The following MCPH1 variants were observed in gnomAD, a reference collection of about 807,000 sequenced individuals.
MCPH1 encodes the protein microcephalin 1.
In MCPH1, 104 loss-of-function variants were observed where a neutral mutation model predicts 84.5. The observed-to-expected ratio is 1.23, with a 90% CI of 1.05 to 1.45. MCPH1 has a LOEUF of 1.45. Ranked by LOEUF, MCPH1 falls within the 40% of genes most tolerant of loss-of-function variation. The pLI, the probability that MCPH1 is intolerant of heterozygous loss-of-function variation, is 0.00. For synonymous variants in MCPH1, 514 were observed against 366.8 expected (o/e 1.40, Z -4.58); for missense variants, 1,498 against 1,005.7 (o/e 1.49, Z -6.62).
intron 12 of MCPH1, among the ~76,000 whole-genome samples, chr8:6,510,798 G>A (rs1407880545): frequency 1.3e-5 from 2 of 152,200 alleles, no homozygotes; most frequent in African/African-American, 2.4e-5. Flanking sequence ...AGTTCTGTAA[G>A]TGTTGCTCCT....
chr8:6,529,623 ATT>A (rs35322987), intron 12 of MCPH1, among the ~76,000 whole-genome samples: 17 of 120,948 alleles, frequency 1.4e-4, no homozygotes, highest in Admixed American at 8.8e-5. Flanking sequence ...CGCCTGGCTA[ATT>A]TTTTTTTTTT....
At chr8:6,572,868 CA>C (rs1826776710) in intron 12 of MCPH1, among the ~76,000 whole-genome samples, 1 of 152,236 alleles carries the variant, frequency 6.6e-6, no homozygotes, top group Non-Finnish European at 1.5e-5. Context: ...GGAAGCCTCC[CA>C]AACCACGTAA....
intron 12 of MCPH1, among the ~76,000 whole-genome samples, chr8:6,532,840 C>T (rs192755114): frequency 5.1e-3 from 781 of 152,292 alleles, no homozygotes; most frequent in Non-Finnish European, 7.1e-3. Flanking sequence ...TGTGTCTGTC[C>T]TACCCAGCTG....
intron 5 of MCPH1, among the ~76,000 whole-genome samples, chr8:6,437,654 G>A (rs1187893720): frequency 2.0e-5 from 3 of 152,092 alleles, no homozygotes; most frequent in Middle Eastern, 3.2e-3. Context: ...CAGCCCTCCC[G>A]CTGCCTCACC....
intron 6 of MCPH1, among the ~76,000 whole-genome samples, chr8:6,440,745 A>T (rs1320032428): frequency 6.6e-6 from 1 of 152,196 alleles, no homozygotes; most frequent in Non-Finnish European, 1.5e-5. Context: ...GACTTACCGA[A>T]TGCAGCTTTT....
intron 12 of MCPH1, among the ~76,000 whole-genome samples, chr8:6,594,180 C>T (rs1004071233): frequency 6.6e-6 from 1 of 152,226 alleles, no homozygotes; most frequent in African/African-American, 2.4e-5. Flanking sequence ...AGCCCCCGCT[C>T]CCCGTGTGCC....
At position 6,462,372 on chromosome 8, in the gene MCPH1, GC is replaced by G. The variant is rs1413836602; in HGVS notation, c.1935+7121del. On this transcript the variant is annotated intron_variant, in intron 9 of 13. Coordinates refer to ENST00000344683, the MANE Select transcript of MCPH1 (RefSeq NM_024596.5). ...ATATAGCATCACAAACAAAATAAGT[GC>G]TCAGTAAATATTTTCTGAGTAAATA... Among the ~76,000 whole-genome samples, 6 of 152,272 alleles carry G rather than the reference GC, an allele frequency of 3.9e-5. No individual in the cohort carries two copies. The East Asian group carries it at 1.2e-3, about 29-fold the overall frequency.
Position 6,579,296 on chromosome 8 carries a change from G to T in MCPH1, c.2215-42158G>T, listed in dbSNP as rs28454012. The stretch of plus-strand genomic sequence containing the variant: ...ATGCGTGAGTTCGCCCCCTTTCCCG[G>T]TCCCCTTCTCCTCCATTTGACTAAT... On this transcript the variant is annotated intron_variant, in intron 12 of 13. Transcript: ENST00000344683. Among the ~76,000 whole-genome samples the T allele has an allele frequency of 6.2e-3, 947 of 152,210 alleles. 5 individuals carry two copies. The highest frequency in any genetic ancestry group is 0.022 in the African/African-American group (905 of 41,526).
At chr8:6,445,645 C>A (rs1804242708) in intron 8 of MCPH1, 98 bp downstream of exon 8, 1 of 1,478,820 alleles carries the variant, frequency 6.8e-7, no homozygotes, top group Non-Finnish European at 8.9e-7. Context: ...AACTTATTTC[C>A]CCATTTACTC....
At chr8:6,549,420 C>G (rs1214841472) in intron 12 of MCPH1, among the ~76,000 whole-genome samples, 1 of 152,180 alleles carries the variant, frequency 6.6e-6, no homozygotes, top group Non-Finnish European at 1.5e-5. Context: ...GGTGACAGAG[C>G]AGAGTCAGGA....
At chr8:6,626,380 T>C in intron 13 of MCPH1, 1 of 985,334 alleles carries the variant, frequency 1.0e-6, no homozygotes, top group Non-Finnish European at 1.2e-6. Context: ...CTGGAGTCTT[T>C]TTTCCCTGAA....
At chr8:6,446,727 G>A (rs2129555938) in intron 8 of MCPH1, 1 of 985,302 alleles carries the variant, frequency 1.0e-6, no homozygotes, top group South Asian at 4.7e-5. Context: ...TTCACCTTGT[G>A]TATTTTTTAA....
chr8:6,560,858 A>T (rs1043265839), intron 12 of MCPH1, among the ~76,000 whole-genome samples: 2 of 152,234 alleles, frequency 1.3e-5, no homozygotes, highest in African/African-American at 2.4e-5. Context: ...AATGTAAGTT[A>T]ATTAAGCAAA....
chr8:6,513,593 A>G (rs13278243), intron 12 of MCPH1: 384,240 of 1,149,444 alleles, frequency 0.33, 65,578 homozygotes, highest in Middle Eastern at 0.44. Context: ...TCGGCCTCCC[A>G]AAGTGCTGGG....
intron 3 of MCPH1, among the ~76,000 whole-genome samples, chr8:6,422,440 C>A (rs1003882964): frequency 7.9e-5 from 12 of 152,082 alleles, no homozygotes; most frequent in African/African-American, 2.9e-4. Flanking sequence ...GATGCATGGA[C>A]AAAATTAAAA....
intron 3 of MCPH1, among the ~76,000 whole-genome samples, chr8:6,423,608 C>A (rs1248389373): frequency 1.3e-5 from 2 of 152,080 alleles, no homozygotes; most frequent in Non-Finnish European, 2.9e-5. Context: ...TGAAGTTTTT[C>A]ATTTCTTAGT....
chr8:6,523,981 G>A (rs1415704368), intron 12 of MCPH1, among the ~76,000 whole-genome samples: 1 of 151,374 alleles, frequency 6.6e-6, no homozygotes, highest in Non-Finnish European at 1.5e-5. Context: ...TGTGATAATT[G>A]CAGGAAAAGC....
chr8:6,493,401 G>A (rs1203673508), intron 11 of MCPH1, among the ~76,000 whole-genome samples: 1 of 152,168 alleles, frequency 6.6e-6, no homozygotes, highest in African/African-American at 2.4e-5. Flanking sequence ...TCAACATGCA[G>A]CTTGTTTTCC....
At chr8:6,484,218 C>T (rs1563271631) in intron 11 of MCPH1, among the ~76,000 whole-genome samples, 1 of 152,114 alleles carries the variant, frequency 6.6e-6, no homozygotes, top group East Asian at 1.9e-4. Context: ...AATAAGAAAA[C>T]AGAACAGCTC....
Sources: gnomAD v4.1 joint callset for allele counts (sites outside exome capture counted in the v4.1 genomes callset) on GRCh38, gnomAD v4.1.1 for gene constraint, MANE v1.5 for transcripts, NCBI Gene and HGNC (gene_info 2026-07-23, HGNC 2026-07-21) for gene names.